Variants in PCDHA9 observed in about 807,000 individuals in gnomAD.
The protein encoded by PCDHA9 is protocadherin alpha 9, also known as protocadherin alpha-9.
PCDHA9 carries 62 observed loss-of-function variants against 62.0 expected under a neutral mutation model. That is an observed-to-expected ratio of 1.00 (90% CI 0.81 to 1.23). The LOEUF is 1.23. Ranked by LOEUF, PCDHA9 falls within the 50% of genes most tolerant of loss-of-function variation. The pLI is 0.00. For missense variants in PCDHA9, 1,205 were observed against 1,249.8 expected, an observed-to-expected ratio of 0.96 and a Z score of 0.54; for synonymous variants, 557 against 567.6, an observed-to-expected ratio of 0.98 and a Z score of 0.27.
At chr5:140,854,178 A>G (rs2043021755) in intron 1 of PCDHA9, 4 of 531,272 alleles carry the variant, frequency 7.5e-6, no homozygotes, top group African/African-American at 2.1e-5. Flanking sequence ...AAAAAAAAAG[A>G]GTAGTTTAAC....
At position 140,848,680 on chromosome 5, in the gene PCDHA9, G is replaced by C. The variant is rs2150417098; in HGVS notation, c.185G>C (p.Arg62Pro). Residue 62 changes from arginine to proline, a missense_variant, in exon 1 of 4, where the codon CGC becomes CCC. Arg to Pro is a moderately radical substitution (Grantham distance 103). Transcript: ENST00000532602. The stretch of plus-strand genomic sequence containing the variant: ...CTGGAGCTGGCGGAGCTGGTGCCGC[G>C]CCTGTTCCAGTTGGATTCCAAAGGC... ...LGLELAELVP[R>P]LFQLDSKGRG... is the part of the protein sequence containing the mutation. The C allele has an allele frequency of 1.3e-6, 2 of 1,592,250 alleles. No homozygotes were observed. The highest frequency in any genetic ancestry group is 1.3e-5 in the African/African-American group (1 of 74,286).
intron 1 of PCDHA9, chr5:140,866,970 A>T (rs545469392): frequency 6.6e-6 from 1 of 152,296 alleles, no homozygotes; most frequent in African/African-American, 2.4e-5. Flanking sequence ...GTGACATCTG[A>T]AATATCACAG....
rs782531082 is a variant in PCDHA9 at position 140,877,160 on chromosome 5, C to T, written c.2394+26271C>T. The T allele has an allele frequency of 4.0e-5, 64 of 1,613,696 alleles. 1 individual carries two copies. In the Admixed American group the frequency reaches 1.0e-3, roughly 26 times the overall value. The stretch of plus-strand genomic sequence containing the variant: ...GTGCTGGACGAGAACGACAACGCGC[C>T]GGCACTGCTGGCGACTCCGGCTGGC... On this transcript the variant is annotated intron_variant, in intron 1 of 3. Transcript: ENST00000532602.
At chr5:140,947,059 A>G (rs1297447274) in intron 1 of PCDHA9, among the ~76,000 whole-genome samples, 2 of 151,742 alleles carry the variant, frequency 1.3e-5, no homozygotes, top group Admixed American at 1.3e-4. Flanking sequence ...ATCATTACAC[A>G]GTGTATATAT....
intron 1 of PCDHA9, chr5:140,884,399 T>C (rs1554181524): frequency 6.2e-6 from 10 of 1,613,990 alleles, no homozygotes; most frequent in African/African-American, 4.0e-5. Flanking sequence ...GTCCAGCCTG[T>C]TGGTGCTCAC....
rs781920774 is a variant in PCDHA9 at position 140,882,850 on chromosome 5, T to A, written c.2394+31961T>A. 4 of 1,614,090 alleles carry A rather than the reference T, an allele frequency of 2.5e-6. No homozygotes were observed. In the African/African-American group the frequency reaches 5.3e-5, roughly 22 times the overall value. ...TTGAGCAAATGTCTTCATTATCACT[T>A]GTACTGAGGAAAACACTGGACAGAG... On this transcript the variant is annotated intron_variant, in intron 1 of 3. Coordinates refer to ENST00000532602, the MANE Select transcript of PCDHA9 (RefSeq NM_031857.2).
intron 1 of PCDHA9, chr5:140,883,740 C>A: frequency 6.2e-7 from 1 of 1,613,368 alleles, no homozygotes; most frequent in Non-Finnish European, 8.5e-7. Context: ...GCGCTGGTCT[C>A]CTACTCGCTG....
chr5:140,883,997 G>A, intron 1 of PCDHA9: 1 of 1,613,014 alleles, frequency 6.2e-7, no homozygotes, highest in Non-Finnish European at 8.5e-7. Context: ...GGGAGGCACA[G>A]TGAGCGAGCT....
chr5:140,892,250 T>G (rs781827855), intron 1 of PCDHA9, among the ~76,000 whole-genome samples: 2 of 152,182 alleles, frequency 1.3e-5, no homozygotes, highest in Non-Finnish European at 2.9e-5. Flanking sequence ...AACCTGGTTA[T>G]CTTTGATTTT....
At chr5:140,902,920 C>T (rs1186097921) in intron 1 of PCDHA9, among the ~76,000 whole-genome samples, 1 of 152,304 alleles carries the variant, frequency 6.6e-6, no homozygotes, top group Non-Finnish European at 1.5e-5. Context: ...AGTAGTATTG[C>T]ATGGTGTATA....
chr5:140,905,776 GT>G (rs1255347430), intron 1 of PCDHA9, among the ~76,000 whole-genome samples: 1 of 152,068 alleles, frequency 6.6e-6, no homozygotes, highest in African/African-American at 2.4e-5. Flanking sequence ...ATTCCGAAGT[GT>G]ATTAGTCAGG....
chr5:140,875,335 C>A, intron 1 of PCDHA9: 2 of 1,438,768 alleles, frequency 1.4e-6, no homozygotes, highest in East Asian at 2.5e-5. Context: ...GGAATAGGAT[C>A]GACTCCATAA....
intron 1 of PCDHA9, chr5:140,868,353 A>T (rs1303376076): frequency 6.6e-6 from 1 of 152,174 alleles, no homozygotes; most frequent in Non-Finnish European, 1.5e-5. Flanking sequence ...ATCAGAAAGC[A>T]ATTAAATGTA....
At position 140,850,741 on chromosome 5, in the gene PCDHA9, C is replaced by G; in HGVS notation, c.2246C>G (p.Ser749Trp). Residue 749 changes from serine (S) to tryptophan (W), a missense_variant, in exon 1 of 4, where the codon TCG becomes TGG. Physicochemically the swap from Ser to Trp is radical, Grantham distance 177. Around this residue, in one of 3 missense-constraint regions of PCDHA9, gnomAD observed 887 missense variants for 809.5 expected, o/e 1.10. Transcript: ENST00000532602. ...LVCSSAVGSW[S>W]YSQQRRQRVC... ...TGTTCTAGCGCGGTGGGGAGTTGGTCGTACTCGCAGCAGAGGAGGCAGAGG... is the reference window on the plus strand; with the variant it reads ...TGTTCTAGCGCGGTGGGGAGTTGGTGGTACTCGCAGCAGAGGAGGCAGAGG... The G allele has an allele frequency of 6.3e-7, 1 of 1,597,822 alleles. No individual in the cohort carries two copies.
intron 1 of PCDHA9, chr5:140,869,477 A>C: frequency 6.2e-7 from 1 of 1,614,208 alleles, no homozygotes; most frequent in South Asian, 1.1e-5. Context: ...GAGGTGAAGG[A>C]CATTAACGAC....
chr5:140,987,266 C>T (rs2097244603), intron 3 of PCDHA9, among the ~76,000 whole-genome samples: 1 of 151,752 alleles, frequency 6.6e-6, no homozygotes, highest in African/African-American at 2.4e-5. Context: ...AGGAATGGGA[C>T]CCGGCAGTCT....
rs1026448396 is a variant in PCDHA9 at position 140,869,464 on chromosome 5, G to A, written c.2394+18575G>A. 1.1e-5 allele frequency: 18 copies of A among 1,614,080 alleles called. No individual in the cohort carries two copies. Among genetic ancestry groups the A allele is most frequent in the Non-Finnish European group, 1.4e-5 (17 of 1,180,040 alleles). ...GCCGCTGCAGGTTTTCCATGTGAAC[G>A]TGGAGGTGAAGGACATTAACGACAA... On this transcript the variant is annotated intron_variant, in intron 1 of 3. Transcript: ENST00000532602.
intron 3 of PCDHA9, among the ~76,000 whole-genome samples, chr5:140,999,590 C>T (rs951986017): frequency 3.3e-5 from 5 of 152,132 alleles, no homozygotes; most frequent in Non-Finnish European, 7.3e-5. Context: ...AAATTGCCTT[C>T]CCTACATCCT....
At chr5:140,912,694 G>A (rs1328426442) in intron 1 of PCDHA9, among the ~76,000 whole-genome samples, 1 of 152,090 alleles carries the variant, frequency 6.6e-6, no homozygotes, top group Non-Finnish European at 1.5e-5. Flanking sequence ...GGTCTCAGGG[G>A]GAATGCTTTC....
Sources: allele counts gnomAD v4.1 joint callset (sites outside exome capture counted in the v4.1 genomes callset), GRCh38; gene constraint gnomAD v4.1.1; regional missense constraint gnomAD v4.1.1; transcripts MANE v1.5; gene names NCBI Gene and HGNC (gene_info 2026-07-23, HGNC 2026-07-21).